LRCH3: variants seen among roughly 807,000 people sequenced by gnomAD.
LRCH3 encodes the protein leucine rich repeats and calponin homology domain containing 3, also known as DISP complex protein LRCH3.
LRCH3 carries 68 observed loss-of-function variants against 104.5 expected under a neutral mutation model. That is an observed-to-expected ratio of 0.65 (90% CI 0.54 to 0.80). The LOEUF (loss-of-function observed/expected upper bound fraction) is 0.80, where lower values mean the gene tolerates loss of function less well. LRCH3 is among the 30% of genes least tolerant of loss of function. The pLI is 0.00. For synonymous variants in LRCH3, 344 were observed against 361.3 expected, an observed-to-expected ratio of 0.95 and a Z score of 0.54; for missense variants, 951 against 953.9, an observed-to-expected ratio of 1.00 and a Z score of 0.04.
intron 2 of LRCH3, among the ~76,000 whole-genome samples, chr3:197,816,579 C>G (rs952573759): frequency 1.3e-5 from 2 of 152,058 alleles, no homozygotes; most frequent in Admixed American, 6.5e-5. Context: ...TGCGCCCAGC[C>G]GATAGATGTG....
chr3:197,820,799 A>G (rs544492364), intron 4 of LRCH3, among the ~76,000 whole-genome samples: 1 of 151,896 alleles, frequency 6.6e-6, no homozygotes, highest in Non-Finnish European at 1.5e-5. Context: ...CCAGAAAGAG[A>G]CCTTTTTTAA....
At chr3:197,871,662 A>G in intron 19 of LRCH3, 200 bp downstream of exon 19, 1 of 585,396 alleles carries the variant, frequency 1.7e-6, no homozygotes, top group Non-Finnish European at 2.8e-6. Context: ...AATGTAAGAA[A>G]GGCATGTACA....
intron 20 of LRCH3, chr3:197,880,795 T>C: frequency 4.6e-6 from 7 of 1,526,100 alleles, no homozygotes; most frequent in Non-Finnish European, 6.1e-6. Flanking sequence ...ATTATTTACA[T>C]AAGTGCTTTT....
chr3:197,794,231 C>T (rs1232836085), intron 1 of LRCH3, among the ~76,000 whole-genome samples: 2 of 152,222 alleles, frequency 1.3e-5, no homozygotes, highest in Non-Finnish European at 2.9e-5. Context: ...GTTCATCTAA[C>T]TCTGTTCTTT....
At position 197,807,817 on chromosome 3, in the gene LRCH3, A is replaced by G. The variant is rs764522860; in HGVS notation, c.263-7091A>G. Reference sequence around the variant, plus strand: ...TGAGAGAAGTCCAACTTGTCAGTCTATTGGTATCCTTATTTTATGAGTTTG... The same window carrying G: ...TGAGAGAAGTCCAACTTGTCAGTCTGTTGGTATCCTTATTTTATGAGTTTG... On this transcript the variant is annotated intron_variant, in intron 1 of 20. Coordinates refer to ENST00000425562, the MANE Select transcript of LRCH3 (RefSeq NM_001365715.1). Among the ~76,000 whole-genome samples, 73 of 152,034 alleles carry G rather than the reference A, an allele frequency of 4.8e-4. 2 individuals carry two copies. Among genetic ancestry groups the G allele is most frequent in the Non-Finnish European group, 1.9e-4 (13 of 68,016 alleles).
chr3:197,798,826 T>C (rs554129992), intron 1 of LRCH3, among the ~76,000 whole-genome samples: 80 of 152,358 alleles, frequency 5.3e-4, no homozygotes, highest in Non-Finnish European at 4.4e-4. Context: ...TAGCCGTAAG[T>C]GGTTATTAAA....
intron 5 of LRCH3, among the ~76,000 whole-genome samples, chr3:197,827,388 CCATAGTGGAAGCATCAGGTAAAT>C: frequency 4.0e-5 from 6 of 151,368 alleles, no homozygotes; most frequent in South Asian, 4.2e-4. Context: ...ATCAGGTAAA[CCATAGTGGAAGCATCAGGTAAAT>C]CATAGTGGAA....
At chr3:197,852,848 C>T (rs1739795191) in intron 13 of LRCH3, among the ~76,000 whole-genome samples, 1 of 152,090 alleles carries the variant, frequency 6.6e-6, no homozygotes, top group African/African-American at 2.4e-5. Flanking sequence ...TGATATTTCC[C>T]TCCCTGACCC....
chr3:197,873,903 C>CCCAA (rs1446905422), intron 19 of LRCH3, among the ~76,000 whole-genome samples: 1 of 151,844 alleles, frequency 6.6e-6, no homozygotes, highest in African/African-American at 2.4e-5. Flanking sequence ...CACCTGTAGT[C>CCCAA]CCAGCTACTT....
intron 15 of LRCH3, among the ~76,000 whole-genome samples, chr3:197,860,905 T>C (rs1200047595): frequency 1.4e-5 from 2 of 147,426 alleles, no homozygotes; most frequent in African/African-American, 4.9e-5. Context: ...CCCACTACCC[T>C]TCCCAGCCTC....
rs891466491 is a variant in LRCH3 at position 197,861,577 on chromosome 3, G to A, written c.1716+2672G>A. Among the ~76,000 whole-genome samples the A allele has an allele frequency of 5.9e-5, 9 of 151,920 alleles. No homozygotes were observed. The South Asian group carries it at 6.2e-4, about 11-fold the overall frequency. ...ATAGATAAGTCTTTTTTTTCTATCC[G>A]ACCTGCTGTACTGTCAAATTATTAT... On this transcript the variant is annotated intron_variant, in intron 15 of 20. Coordinates refer to ENST00000425562, the MANE Select transcript of LRCH3 (RefSeq NM_001365715.1).
At chr3:197,796,020 C>T (rs1731175058) in intron 1 of LRCH3, among the ~76,000 whole-genome samples, 1 of 151,856 alleles carries the variant, frequency 6.6e-6, no homozygotes, top group Non-Finnish European at 1.5e-5. Flanking sequence ...AAGGTCCTGA[C>T]TAATACAGTG....
At chr3:197,819,465 C>T (rs963644580) in intron 3 of LRCH3, among the ~76,000 whole-genome samples, 2 of 151,850 alleles carry the variant, frequency 1.3e-5, no homozygotes, top group Non-Finnish European at 2.9e-5. Context: ...CCTGTAATCG[C>T]AGCACTTTGG....
At chr3:197,824,202 T>G (rs1353543026) in intron 4 of LRCH3, among the ~76,000 whole-genome samples, 1 of 151,946 alleles carries the variant, frequency 6.6e-6, no homozygotes, top group Non-Finnish European at 1.5e-5. Context: ...GTAGCTGGAA[T>G]TACAGGCGCC....
At chr3:197,846,393 A>C (rs1356586968) in intron 10 of LRCH3, among the ~76,000 whole-genome samples, 2 of 149,200 alleles carry the variant, frequency 1.3e-5, no homozygotes, top group Admixed American at 6.7e-5. Context: ...CACAAAAAAA[A>C]AAAAAAACAA....
rs1479803846 is a variant in LRCH3, at chr3:197,850,556, A to G, written c.1531-2005A>G. 2.6e-5 allele frequency: 41 copies of G among 1,588,310 alleles called. No individual in the cohort carries two copies. In the Admixed American group the frequency reaches 6.5e-4, roughly 25 times the overall value. On this transcript the variant is annotated intron_variant, in intron 12 of 20. Coordinates refer to ENST00000425562, the MANE Select transcript of LRCH3 (RefSeq NM_001365715.1). ...AGCTCATGTATGGGTTAATCCGACC[A>G]TGAGCTCTGTAGGTCCGGCGGCACA...
chr3:197,879,461 A>G (rs796463601), intron 20 of LRCH3, among the ~76,000 whole-genome samples: 28 of 151,046 alleles, frequency 1.9e-4, no homozygotes, highest in Admixed American at 7.9e-4. Flanking sequence ...CCTGGCTAAC[A>G]TGGTGAAACC....
chr3:197,839,718 A>C (rs28700928), intron 10 of LRCH3, among the ~76,000 whole-genome samples: 1 of 152,042 alleles, frequency 6.6e-6, no homozygotes, highest in Non-Finnish European at 1.5e-5. Flanking sequence ...AGTGGCTAAC[A>C]CTTGTAATCC....
At chr3:197,859,994 AT>A in intron 15 of LRCH3, among the ~76,000 whole-genome samples, 1 of 152,186 alleles carries the variant, frequency 6.6e-6, no homozygotes, top group East Asian at 1.9e-4. Flanking sequence ...ATTTAGGGTG[AT>A]TTTTAAATTT....
Sources: allele counts gnomAD v4.1 joint callset (sites outside exome capture counted in the v4.1 genomes callset), GRCh38; gene constraint gnomAD v4.1.1; transcripts MANE v1.5; gene names NCBI Gene and HGNC (gene_info 2026-07-23, HGNC 2026-07-21).